MTUS1: variants seen among roughly 807,000 people sequenced by gnomAD.
The protein encoded by MTUS1 is microtubule associated scaffold protein 1.
MTUS1 carries 109 observed loss-of-function variants against 120.8 expected under a neutral mutation model. The observed-to-expected ratio is 0.90, with a 90% CI of 0.77 to 1.06. MTUS1 has a LOEUF of 1.06. Ranked by LOEUF, MTUS1 falls within the 50% of genes least tolerant of loss-of-function variation. The probability of loss-of-function intolerance (pLI) is 0.00; values close to 1 mark genes in which losing one functional copy is unlikely to be tolerated. For missense variants in MTUS1, 2,210 were observed against 1,486.3 expected (o/e 1.49, Z -8.01); for synonymous variants, 737 against 550.5 (o/e 1.34, Z -4.74).
intron 1 of MTUS1, among the ~76,000 whole-genome samples, chr8:17,781,709 A>T (rs1314325730): frequency 6.6e-6 from 1 of 152,176 alleles, no homozygotes; most frequent in African/African-American, 2.4e-5. Context: ...GTCTTTAGAC[A>T]GCACCCCTTT....
chr8:17,763,617 G>T (rs781519445), intron 1 of MTUS1, among the ~76,000 whole-genome samples: 1 of 152,078 alleles, frequency 6.6e-6, no homozygotes, highest in Non-Finnish European at 1.5e-5. Context: ...CCAGAGCCAG[G>T]ACGACGGTGC....
intron 3 of MTUS1, among the ~76,000 whole-genome samples, chr8:17,736,450 G>A (rs183311782): frequency 1.1e-4 from 16 of 152,204 alleles, no homozygotes; most frequent in African/African-American, 3.9e-4. Flanking sequence ...AAGTCCTCCC[G>A]CCTGACACCC....
chr8:17,744,445 G>A lies in MTUS1; in HGVS notation c.2092-646C>T, dbSNP rs115169550. 8.9e-3 allele frequency among the ~76,000 whole-genome samples: 1,347 copies of A among 151,864 alleles called. 22 individuals carry two copies. The highest frequency in any genetic ancestry group is 0.03 in the African/African-American group (1,245 of 41,400). The stretch of plus-strand genomic sequence containing the variant: ...AATAACTTCTTTAGTTTTTTGACAC[G>A]GAGTCTCCTCTATCGCCCAGGCTGG... On this transcript the variant is annotated intron_variant, in intron 2 of 14. Coordinates refer to ENST00000693296, the MANE Select transcript of MTUS1 (RefSeq NM_001363059.2).
At chr8:17,707,544 G>A (rs940727949) in intron 6 of MTUS1, among the ~76,000 whole-genome samples, 6 of 152,116 alleles carry the variant, frequency 3.9e-5, no homozygotes, top group Non-Finnish European at 5.9e-5. Flanking sequence ...TATATACAGA[G>A]TCATCTATAG....
chr8:17,708,535 C>T (rs1563241841), intron 6 of MTUS1, among the ~76,000 whole-genome samples: 1 of 152,170 alleles, frequency 6.6e-6, no homozygotes, highest in Non-Finnish European at 1.5e-5. Flanking sequence ...TGGAAAACAG[C>T]CTGGAGGTTT....
In MTUS1 at chr8:17,646,087, T is replaced by C. The variant is rs757454477; in HGVS notation, c.3652A>G (p.Lys1218Glu). ...TCCATAGAGAGTCGCTTGTTGACTT[T>C]CGACTCCTTCTCCAGCGACTCTTGC... is the stretch of plus-strand genomic sequence containing the variant. ...VLQESLEKESKVNKRLSMENE... is the reference protein window; with the variant it reads ...VLQESLEKESEVNKRLSMENE... Residue 1218 changes from lysine (K) to glutamate (E), a missense_variant, in exon 15 of 15, where the codon AAA becomes GAA. Transcript: ENST00000693296. The C allele has an allele frequency of 4.8e-5, 77 of 1,613,360 alleles. 2 individuals carry two copies. In the South Asian group the frequency reaches 8.1e-4, roughly 17 times the overall value.
intron 1 of MTUS1, among the ~76,000 whole-genome samples, chr8:17,800,241 C>T (rs1007140631): frequency 6.6e-6 from 1 of 152,126 alleles, no homozygotes; most frequent in Non-Finnish European, 1.5e-5. Context: ...CTACTCCCAC[C>T]CTCCAGCCCC....
rs142053768 is a variant in MTUS1, at chr8:17,714,327, C to G, written c.2585-1075G>C. On this transcript the variant is annotated intron_variant, in intron 5 of 14. Transcript: ENST00000693296. ...CCATATTATCCTTTAAACACACACACAGAGAGAGAGAGAGACATGTTAAGG... is the reference window on the plus strand; with the variant it reads ...CCATATTATCCTTTAAACACACACAGAGAGAGAGAGAGAGACATGTTAAGG... Among the ~76,000 whole-genome samples the G allele has an allele frequency of 4.5e-3, 685 of 151,322 alleles. 2 individuals are homozygous for G. The highest frequency in any genetic ancestry group is 9.7e-3 in the Admixed American group (147 of 15,148).
At chr8:17,674,308 T>C (rs573900691) in intron 8 of MTUS1, 1 of 206,386 alleles carries the variant, frequency 4.8e-6, no homozygotes, top group African/African-American at 2.4e-5. Flanking sequence ...TTGTCCCAGC[T>C]ACTCGGAAGG....
chr8:17,687,632 C>A (rs1816100050), intron 6 of MTUS1, among the ~76,000 whole-genome samples: 1 of 152,154 alleles, frequency 6.6e-6, no homozygotes, highest in African/African-American at 2.4e-5. Context: ...ACTTCTATAT[C>A]GATTCAGATT....
intron 3 of MTUS1, among the ~76,000 whole-genome samples, chr8:17,732,725 G>C (rs144750748): frequency 5.5e-4 from 84 of 151,964 alleles, no homozygotes; most frequent in African/African-American, 2.0e-3. Flanking sequence ...CCCATCTCAG[G>C]TAAAGGCTGC....
At chr8:17,702,928 A>G (rs1251145107) in intron 6 of MTUS1, among the ~76,000 whole-genome samples, 2 of 152,056 alleles carry the variant, frequency 1.3e-5, no homozygotes, top group Non-Finnish European at 2.9e-5. Flanking sequence ...CTCTAAAAAT[A>G]CTCTTATAAT....
intron 3 of MTUS1, 110 bp downstream of exon 3, chr8:17,743,494 A>T: frequency 9.7e-7 from 1 of 1,025,734 alleles, no homozygotes; most frequent in East Asian, 2.5e-5. Context: ...CAGGATGCTG[A>T]TCCACAAAAG....
intron 1 of MTUS1, among the ~76,000 whole-genome samples, chr8:17,774,103 G>A (rs2050218770): frequency 6.6e-6 from 1 of 152,084 alleles, no homozygotes; most frequent in South Asian, 2.1e-4. Context: ...TCCAAAGTTT[G>A]CCTGGAGATT....
chr8:17,800,198 C>T (rs1356050043), intron 1 of MTUS1, among the ~76,000 whole-genome samples: 1 of 152,092 alleles, frequency 6.6e-6, no homozygotes, highest in Non-Finnish European at 1.5e-5. Flanking sequence ...CCTGCATTGC[C>T]TCCCTTCCTC....
chr8:17,648,868 C>T (rs750000820), intron 13 of MTUS1, among the ~76,000 whole-genome samples: 23 of 152,302 alleles, frequency 1.5e-4, no homozygotes, highest in South Asian at 6.2e-4. Context: ...AGCAAGGCAC[C>T]GCGAGGGCGG....
intron 1 of MTUS1, among the ~76,000 whole-genome samples, chr8:17,778,935 A>C (rs1318276290): frequency 6.6e-6 from 1 of 152,238 alleles, no homozygotes; most frequent in African/African-American, 2.4e-5. Context: ...AAATGTACTG[A>C]GTGCCCATCT....
Position 17,676,493 on chromosome 8 carries a change from G to A in MTUS1, c.2839-1241C>T. The A allele has an allele frequency of 5.0e-6, 3 of 599,304 alleles. No individual in the cohort carries two copies. In the South Asian group the frequency reaches 6.0e-5, roughly 12 times the overall value. 37.1% of individuals were successfully genotyped at this position (599,304 alleles called of 1,614,324 possible). A position where few individuals can be genotyped will look rare whatever the true frequency, so the allele number is the denominator to read the frequency against. ...CTTCATGTCCTGCAGGTTACCGTGT[G>A]CCTCGGATTCCTCACTCACAGAAGC... On this transcript the variant is annotated intron_variant, in intron 7 of 14. Transcript: ENST00000693296.
chr8:17,712,637 C>T (rs2131012580), intron 6 of MTUS1, among the ~76,000 whole-genome samples: 1 of 152,286 alleles, frequency 6.6e-6, no homozygotes, highest in Middle Eastern at 3.4e-3. Context: ...CTGGGCCCAG[C>T]CTATCTGTCG....
Sources: allele counts gnomAD v4.1 joint callset (sites outside exome capture counted in the v4.1 genomes callset), GRCh38; gene constraint gnomAD v4.1.1; transcripts MANE v1.5; gene names NCBI Gene and HGNC (gene_info 2026-07-23, HGNC 2026-07-21).